Variants in RYR2 observed in about 807,000 individuals in gnomAD.
The protein encoded by RYR2 is cardiac muscle ryanodine receptor-calcium release channel.
A neutral mutation model predicts 601.1 loss-of-function variants in RYR2; 227 were observed. The ratio of observed to expected loss-of-function variants is 0.38; its 90% CI spans 0.34 to 0.42. The LOEUF is 0.42. RYR2 is among the 10% of genes least tolerant of loss of function. The pLI, the probability that RYR2 is intolerant of heterozygous loss-of-function variation, is 1.00. For synonymous variants in RYR2, 2,223 were observed against 2,175.1 expected, an observed-to-expected ratio of 1.02 and a Z score of -0.61; for missense variants, 4,646 against 6,156.5, an observed-to-expected ratio of 0.75 and a Z score of 8.21.
intron 20 of RYR2, among the ~76,000 whole-genome samples, 174 bp downstream of exon 20, chr1:237,496,926 A>G (rs1442264396): frequency 6.6e-6 from 1 of 152,180 alleles, no homozygotes; most frequent in Non-Finnish European, 1.5e-5. Context: ...TCACTAGGGG[A>G]AAAAGAAAAT....
intron 2 of RYR2, among the ~76,000 whole-genome samples, chr1:237,295,294 A>T (rs1208166430): frequency 1.3e-4 from 20 of 152,006 alleles, no homozygotes; most frequent in Non-Finnish European, 5.9e-5. Context: ...AAAATGAGTC[A>T]GGAAAGTCAG....
chr1:237,613,616 T>G (rs148345031), intron 36 of RYR2, among the ~76,000 whole-genome samples: 1 of 152,256 alleles, frequency 6.6e-6, no homozygotes, highest in East Asian at 1.9e-4. Flanking sequence ...AGAAGAAAAT[T>G]TGTAGAACAT....
chr1:237,655,312 AT>A (rs1240041100), intron 52 of RYR2, among the ~76,000 whole-genome samples: 1 of 152,160 alleles, frequency 6.6e-6, no homozygotes, highest in African/African-American at 2.4e-5. Context: ...CTTCCTATAA[AT>A]TTTTAGCATG....
chr1:237,757,177 C>T (rs543950874), intron 81 of RYR2, among the ~76,000 whole-genome samples: 1 of 152,150 alleles, frequency 6.6e-6, no homozygotes, highest in South Asian at 2.1e-4. Flanking sequence ...ATATGTTACA[C>T]TAAATAAAAT....
chr1:237,333,901 T>C (rs1008483957), intron 3 of RYR2, among the ~76,000 whole-genome samples: 5 of 152,158 alleles, frequency 3.3e-5, no homozygotes, highest in Non-Finnish European at 5.9e-5. Context: ...AGATGAACAG[T>C]GAGTCAAAAA....
At position 237,278,066 on chromosome 1, in the gene RYR2, T is replaced by C. The variant is rs188198850; in HGVS notation, c.168+7450T>C. On this transcript the variant is annotated intron_variant, in intron 2 of 104. Transcript: ENST00000366574. Reference sequence around the variant, plus strand: ...TTCTGTTTTTCTTTGTGGATTTTTTTGTTATTGTTGTTTTGTTTTTTTGAG... The same window carrying C: ...TTCTGTTTTTCTTTGTGGATTTTTTCGTTATTGTTGTTTTGTTTTTTTGAG... Among the ~76,000 whole-genome samples the C allele has an allele frequency of 4.6e-5, 7 of 152,018 alleles. No individual in the cohort carries two copies. In the East Asian group the frequency reaches 1.4e-3, roughly 29 times the overall value.
rs1391894404 is a variant in RYR2, at chr1:237,655,912, T to G, written c.8057T>G (p.Val2686Gly). The G allele has an allele frequency of 6.2e-7, 1 of 1,612,818 alleles. No homozygotes were observed. Residue 2686 changes from valine to glycine, a missense_variant, in exon 53 of 105, where the codon GTC becomes GGC. Coordinates refer to ENST00000366574, the MANE Select transcript of RYR2 (RefSeq NM_001035.3). ...CCAGACTACATGGAGTCAAATTATG[T>G]CAGTATGATGGAAAAACAGTCATCA... is the stretch of plus-strand genomic sequence containing the variant. ...LPPDYMESNY[V>G]SMMEKQSSMD...
intron 1 of RYR2, among the ~76,000 whole-genome samples, chr1:237,100,856 C>T (rs1188675074): frequency 2.6e-5 from 4 of 152,258 alleles, no homozygotes; most frequent in South Asian, 2.1e-4. Flanking sequence ...GGGAAACTCA[C>T]GTGGCATGGG....
chr1:237,288,074 T>G (rs1461334729), intron 2 of RYR2, among the ~76,000 whole-genome samples: 1 of 152,182 alleles, frequency 6.6e-6, no homozygotes, highest in Non-Finnish European at 1.5e-5. Context: ...CAGTGATTGT[T>G]GTCTGTCTGC....
At chr1:237,074,582 C>T (rs1044751383) in intron 1 of RYR2, among the ~76,000 whole-genome samples, 1 of 152,220 alleles carries the variant, frequency 6.6e-6, no homozygotes, top group Non-Finnish European at 1.5e-5. Context: ...CTGCCACAAC[C>T]TCCCCCAGCC....
At chr1:237,054,762 C>T (rs1169508961) in intron 1 of RYR2, among the ~76,000 whole-genome samples, 1 of 152,078 alleles carries the variant, frequency 6.6e-6, no homozygotes, top group Non-Finnish European at 1.5e-5. Flanking sequence ...AAAAAGTTAC[C>T]TTCAACACCA....
chr1:237,537,930 A>G (rs1461186402), intron 25 of RYR2, among the ~76,000 whole-genome samples: 1 of 152,206 alleles, frequency 6.6e-6, no homozygotes, highest in Non-Finnish European at 1.5e-5. Flanking sequence ...ATTGAGGTGT[A>G]ACAGAAGGAG....
At chr1:237,595,932 T>A (rs1438466522) in intron 34 of RYR2, among the ~76,000 whole-genome samples, 1 of 152,100 alleles carries the variant, frequency 6.6e-6, no homozygotes, top group African/African-American at 2.4e-5. Flanking sequence ...CACTTGCAGA[T>A]GCTGCTGACA....
intron 23 of RYR2, among the ~76,000 whole-genome samples, chr1:237,508,419 G>C (rs992251045): frequency 2.7e-5 from 4 of 150,576 alleles, no homozygotes; most frequent in African/African-American, 7.3e-5. Flanking sequence ...AATAGGAAGA[G>C]ATGATTAGAG....
At chr1:237,474,035 C>T (rs1318605031) in intron 17 of RYR2, among the ~76,000 whole-genome samples, 1 of 151,804 alleles carries the variant, frequency 6.6e-6, no homozygotes, top group African/African-American at 2.4e-5. Flanking sequence ...AGGGGAAAGA[C>T]GTGTGAGTAG....
intron 22 of RYR2, 39 bp downstream of exon 22, chr1:237,503,544 A>T: frequency 6.3e-7 from 1 of 1,587,460 alleles, no homozygotes; most frequent in South Asian, 1.1e-5. Context: ...CTGGTATTGC[A>T]GTCATGCTGA....
At chr1:237,824,060 C>T (rs748949171) in intron 101 of RYR2, among the ~76,000 whole-genome samples, 8 of 152,124 alleles carry the variant, frequency 5.3e-5, no homozygotes, top group Non-Finnish European at 1.0e-4. Flanking sequence ...CAAAAAAGTC[C>T]AGGACCAGAC....
At chr1:237,705,526 C>T (rs745683305) in intron 67 of RYR2, among the ~76,000 whole-genome samples, 183 bp downstream of exon 67, 5 of 151,974 alleles carry the variant, frequency 3.3e-5, no homozygotes, top group Non-Finnish European at 5.9e-5. Flanking sequence ...AGATATGATA[C>T]ATATAGGGCA....
chr1:237,414,670 T>C (rs1436075600), intron 10 of RYR2, among the ~76,000 whole-genome samples: 5 of 152,230 alleles, frequency 3.3e-5, no homozygotes, highest in Admixed American at 1.3e-4. Flanking sequence ...ATAATTTCTT[T>C]ATGTTGGGAA....
Sources: gnomAD v4.1 joint callset for allele counts (sites outside exome capture counted in the v4.1 genomes callset) on GRCh38, gnomAD v4.1.1 for gene constraint, MANE v1.5 for transcripts, NCBI Gene and HGNC (gene_info 2026-07-23, HGNC 2026-07-21) for gene names.